Variants in DNER observed in about 807,000 individuals in gnomAD.
The protein encoded by DNER is delta and Notch-like epidermal growth factor-related receptor.
DNER carries 33 observed loss-of-function variants against 78.2 expected under a neutral mutation model. The observed-to-expected ratio is 0.42, with a 90% CI of 0.32 to 0.56. The LOEUF (loss-of-function observed/expected upper bound fraction) is 0.56. Among genes scored for constraint, DNER ranks in the 20% least tolerant of loss-of-function variants. DNER has a pLI of 0.11. For synonymous variants in DNER, 417 were observed against 384.8 expected, an observed-to-expected ratio of 1.08 and a Z score of -0.98; for missense variants, 918 against 975.3, an observed-to-expected ratio of 0.94 and a Z score of 0.78.
chr2:229,646,981 A>G (rs1265484144), intron 1 of DNER, among the ~76,000 whole-genome samples: 3 of 152,238 alleles, frequency 2.0e-5, no homozygotes, highest in African/African-American at 4.8e-5. Flanking sequence ...ATCCTGGCCA[A>G]CATGGTGAAA....
chr2:229,357,919 G>GTT lies in DNER; in HGVS notation c.*619_*620dup, dbSNP rs1692124216. 1 of 152,584 alleles carries GTT rather than the reference G, an allele frequency of 6.6e-6. No homozygotes were observed. Among genetic ancestry groups the GTT allele is most frequent in the Admixed American group, 6.5e-5 (1 of 15,270 alleles). The allele number at this position is 152,584 out of a possible 1,614,324, so 9.5% of individuals were successfully genotyped here. A position where few individuals can be genotyped will look rare whatever the true frequency, so the allele number is the denominator to read the frequency against. ...CTCGCTAGGCCTTTTCGTTACGTAT[G>GTT]TTTTTGAGGCCTAGTTCGACGACTG... is the stretch of plus-strand genomic sequence containing the variant. On this transcript the variant is annotated 3_prime_UTR_variant, in exon 13 of 13. Coordinates refer to ENST00000341772, the MANE Select transcript of DNER (RefSeq NM_139072.4).
intron 1 of DNER, among the ~76,000 whole-genome samples, chr2:229,634,676 C>T (rs951567056): frequency 6.6e-6 from 1 of 152,146 alleles, no homozygotes; most frequent in African/African-American, 2.4e-5. Flanking sequence ...ACAGTCTGGG[C>T]AGAATTGGGA....
At chr2:229,531,123 T>C (rs899269131) in intron 5 of DNER, among the ~76,000 whole-genome samples, 5 of 152,134 alleles carry the variant, frequency 3.3e-5, no homozygotes, top group African/African-American at 1.2e-4. Flanking sequence ...AGACAAAGCA[T>C]AACCTGAGAA....
intron 5 of DNER, among the ~76,000 whole-genome samples, chr2:229,539,026 G>A (rs1696465378): frequency 6.6e-6 from 1 of 152,148 alleles, no homozygotes; most frequent in African/African-American, 2.4e-5. Context: ...ACCACACACT[G>A]AACAGAACGA....
chr2:229,427,265 A>G (rs540135920), intron 8 of DNER, among the ~76,000 whole-genome samples: 1 of 152,332 alleles, frequency 6.6e-6, no homozygotes, highest in South Asian at 2.1e-4. Context: ...CCATGAGTTT[A>G]TATTCTCCCT....
At position 229,447,507 on chromosome 2, in the gene DNER, T is replaced by A; in HGVS notation, c.1295A>T (p.Asp432Val). The change falls in exon 8 of 13, where the codon GAC (aspartate) becomes GTC (valine). Residue 432 changes from aspartate to valine, a missense_variant. Transcript: ENST00000341772. ...YFGSACEEKVDPCASSPCQNN... is the reference protein window; with the variant it reads ...YFGSACEEKVVPCASSPCQNN... Reference sequence around the variant, plus strand: ...CTGGCACGGAGACGAGGCGCAGGGGTCCACCTTTTCTTCACAAGCAGATCC... The same window carrying A: ...CTGGCACGGAGACGAGGCGCAGGGGACCACCTTTTCTTCACAAGCAGATCC... 2.5e-6 allele frequency: 4 copies of A among 1,614,060 alleles called. No homozygotes were observed. Among genetic ancestry groups the A allele is most frequent in the Non-Finnish European group, 3.4e-6 (4 of 1,179,998 alleles).
intron 7 of DNER, among the ~76,000 whole-genome samples, chr2:229,465,687 C>A (rs10933299): frequency 0.73 from 109,860 of 151,480 alleles, 40,031 homozygotes; most frequent in South Asian, 0.83. Context: ...TTGTATGTAT[C>A]TTAAAATTCA....
At chr2:229,533,199 G>A (rs1173476277) in intron 5 of DNER, among the ~76,000 whole-genome samples, 1 of 152,208 alleles carries the variant, frequency 6.6e-6, no homozygotes, top group Non-Finnish European at 1.5e-5. Flanking sequence ...GAAGAAAAGG[G>A]TTAGAGGCAT....
chr2:229,702,214 T>C (rs1160962416), intron 1 of DNER: 3 of 154,828 alleles, frequency 1.9e-5, no homozygotes, highest in Non-Finnish European at 4.3e-5. Context: ...GCATACTTGG[T>C]TTGAATTCTT....
intron 1 of DNER, among the ~76,000 whole-genome samples, chr2:229,650,819 G>T (rs1698803369): frequency 6.6e-6 from 1 of 152,102 alleles, no homozygotes; most frequent in Non-Finnish European, 1.5e-5. Context: ...CCTCTCCAGG[G>T]GCCACTTTAT....
At chr2:229,508,318 T>A (rs981464076) in intron 6 of DNER, among the ~76,000 whole-genome samples, 2 of 152,186 alleles carry the variant, frequency 1.3e-5, no homozygotes, top group Non-Finnish European at 2.9e-5. Flanking sequence ...TACTTCTAGG[T>A]ATATACCTTA....
chr2:229,610,036 T>C (rs1183819947), intron 1 of DNER, among the ~76,000 whole-genome samples: 2 of 152,228 alleles, frequency 1.3e-5, no homozygotes, highest in Admixed American at 6.5e-5. Flanking sequence ...ACAGCATAAC[T>C]TTGCAGATGA....
chr2:229,646,023 G>A (rs749134320), intron 1 of DNER, among the ~76,000 whole-genome samples: 1 of 152,208 alleles, frequency 6.6e-6, no homozygotes, highest in Non-Finnish European at 1.5e-5. Flanking sequence ...AGACCAAGGG[G>A]TGGATGAATT....
intron 1 of DNER, among the ~76,000 whole-genome samples, chr2:229,603,359 A>G (rs193066903): frequency 1.3e-5 from 2 of 152,344 alleles, no homozygotes; most frequent in South Asian, 4.1e-4. Flanking sequence ...ACATGTATGC[A>G]TATGTAACAA....
intron 1 of DNER, among the ~76,000 whole-genome samples, chr2:229,630,003 A>G (rs1278854105): frequency 6.6e-6 from 1 of 152,162 alleles, no homozygotes; most frequent in Non-Finnish European, 1.5e-5. Context: ...TAGCAATCTC[A>G]TCTATAGGCA....
intron 1 of DNER, among the ~76,000 whole-genome samples, chr2:229,649,616 T>G (rs1051170405): frequency 2.0e-5 from 3 of 152,218 alleles, no homozygotes; most frequent in Non-Finnish European, 2.9e-5. Context: ...CTAAGAACAT[T>G]GAAATTATAT....
In DNER at chr2:229,560,709, G is replaced by T. The variant is rs114672647; in HGVS notation, c.848-13617C>A. Among the ~76,000 whole-genome samples the T allele has an allele frequency of 2.1e-3, 326 of 152,184 alleles. 4 individuals are homozygous for T. Among genetic ancestry groups the T allele is most frequent in the African/African-American group, 7.4e-3 (309 of 41,514 alleles). On this transcript the variant is annotated intron_variant, in intron 4 of 12. Transcript: ENST00000341772. ...AAATAAATCAACTCTTGACAATGTCGGGCCAGGTGCAAAAATTGCTCGATG... is the reference window on the plus strand; with the variant it reads ...AAATAAATCAACTCTTGACAATGTCTGGCCAGGTGCAAAAATTGCTCGATG...
chr2:229,631,699 A>T (rs1186799153), intron 1 of DNER, among the ~76,000 whole-genome samples: 2 of 152,248 alleles, frequency 1.3e-5, no homozygotes, highest in African/African-American at 4.8e-5. Flanking sequence ...TAACACTTCC[A>T]GTTCTTAAAT....
At chr2:229,613,292 T>C (rs1371558539) in intron 1 of DNER, among the ~76,000 whole-genome samples, 1 of 152,180 alleles carries the variant, frequency 6.6e-6, no homozygotes, top group Non-Finnish European at 1.5e-5. Context: ...GCAATCAGTA[T>C]GAACCATTGT....
Sources: allele counts gnomAD v4.1 joint callset (sites outside exome capture counted in the v4.1 genomes callset), GRCh38; gene constraint gnomAD v4.1.1; transcripts MANE v1.5; gene names NCBI Gene and HGNC (gene_info 2026-07-23, HGNC 2026-07-21).